The following ZZZ3 variants were observed in gnomAD, a reference collection of about 807,000 sequenced individuals.
ZZZ3 encodes the protein ZZ-type zinc finger-containing protein 3.
A neutral mutation model predicts 95.2 loss-of-function variants in ZZZ3; 22 were observed. That is an observed-to-expected ratio of 0.23 (90% CI 0.17 to 0.33). ZZZ3 has a LOEUF of 0.33. ZZZ3 is among the 10% of genes least tolerant of loss of function. The pLI is 1.00. For missense variants in ZZZ3, 885 were observed against 1,066.5 expected (o/e 0.83, Z 2.37); for synonymous variants, 335 against 358.9 (o/e 0.93, Z 0.75).
chr1:77,653,340 A>G (rs1669977011), intron 1 of ZZZ3, among the ~76,000 whole-genome samples: 1 of 152,226 alleles, frequency 6.6e-6, no homozygotes, highest in South Asian at 2.1e-4. Context: ...TGATGCAAGT[A>G]TTCTGCAATT....
At chr1:77,655,812 A>T (rs944588322) in intron 1 of ZZZ3, among the ~76,000 whole-genome samples, 1 of 152,208 alleles carries the variant, frequency 6.6e-6, no homozygotes, top group African/African-American at 2.4e-5. Context: ...CCCTTTGTTG[A>T]TCTATGACTT....
chr1:77,635,260 G>A (rs1208779752), intron 4 of ZZZ3, among the ~76,000 whole-genome samples: 1 of 152,098 alleles, frequency 6.6e-6, no homozygotes, highest in Non-Finnish European at 1.5e-5. Flanking sequence ...TTGTCTCAAA[G>A]TATGGCATAC....
intron 5 of ZZZ3, among the ~76,000 whole-genome samples, chr1:77,589,007 G>A (rs993391966): frequency 2.6e-5 from 4 of 151,982 alleles, no homozygotes; most frequent in African/African-American, 9.7e-5. Flanking sequence ...AGCCTCCCAC[G>A]TAGCTGGGAC....
chr1:77,623,573 C>T (rs1347088663), intron 5 of ZZZ3, among the ~76,000 whole-genome samples: 2 of 152,092 alleles, frequency 1.3e-5, no homozygotes, highest in Admixed American at 6.5e-5. Flanking sequence ...TGTACTTCCC[C>T]TAACAAAGGT....
At chr1:77,662,592 AC>A (rs1670899418) in intron 1 of ZZZ3, among the ~76,000 whole-genome samples, 1 of 152,208 alleles carries the variant, frequency 6.6e-6, no homozygotes, top group South Asian at 2.1e-4. Context: ...AAACTGAGGG[AC>A]ACTAAATACC....
At chr1:77,650,766 T>C (rs923459681) in intron 1 of ZZZ3, among the ~76,000 whole-genome samples, 11 of 148,058 alleles carry the variant, frequency 7.4e-5, no homozygotes, top group African/African-American at 2.7e-4. Context: ...TAGAGAAAAA[T>C]CAATGAACCA....
intron 1 of ZZZ3, among the ~76,000 whole-genome samples, chr1:77,682,147 G>C (rs142208861): frequency 1.3e-5 from 2 of 152,252 alleles, no homozygotes; most frequent in East Asian, 3.9e-4. Flanking sequence ...ACGAAGTCAG[G>C]GTGATGAGTA....
Position 77,632,909 on chromosome 1 carries a change from G to A in ZZZ3, c.446C>T (p.Thr149Ile). 6.2e-7 allele frequency: 1 copy of A among 1,614,018 alleles called. No homozygotes were observed. The change falls in exon 5 of 15, where the codon ACA becomes ATA. Residue 149 changes from threonine to isoleucine, a missense_variant. This residue lies in a region of ZZZ3 where 556 missense variants were observed against 652.9 expected (regional missense o/e 0.85). Transcript: ENST00000370801. The part of the protein sequence containing the change: ...SDKESVEQRS[T>I]VVDNDADFQG... ...AAAATCTGCATCATTGTCCACTACT[G>A]TACTCCTCTGTTCTACTGACTCCTT...
chr1:77,677,057 G>A (rs1672329737), intron 1 of ZZZ3: 1 of 152,060 alleles, frequency 6.6e-6, no homozygotes, highest in African/African-American at 2.4e-5. Flanking sequence ...CAAGATGTTT[G>A]GGCCAGGCAC....
chr1:77,647,105 A>G (rs1300540103), intron 1 of ZZZ3, among the ~76,000 whole-genome samples: 1 of 152,246 alleles, frequency 6.6e-6, no homozygotes, highest in Non-Finnish European at 1.5e-5. Context: ...TAGGGTTACT[A>G]ATGTTTGTGG....
At chr1:77,622,086 G>A (rs975369716) in intron 5 of ZZZ3, among the ~76,000 whole-genome samples, 3 of 150,132 alleles carry the variant, frequency 2.0e-5, no homozygotes, top group Non-Finnish European at 4.4e-5. Context: ...CGAGGAAAGA[G>A]GCCAGGAGTT....
intron 5 of ZZZ3, among the ~76,000 whole-genome samples, chr1:77,631,305 CA>C (rs1667792295): frequency 1.3e-5 from 2 of 152,094 alleles, no homozygotes; most frequent in African/African-American, 4.8e-5. Flanking sequence ...ATGCTAATTA[CA>C]ATATACTGTC....
rs369423802 is a variant in ZZZ3, at chr1:77,633,273, A to G, written c.82T>C (p.Leu28=). The part of the protein sequence containing the change: ...GLDESFCGRT[L]RNRSIAHPEE... ...GGATGCGCAATGCTACGATTCCTTA[A>G]AGTTCTACCACAAAAAGATTCATCC... The change falls in exon 5 of 15, where the codon TTA becomes CTA. Residue 28 remains leucine, a synonymous_variant. Coordinates refer to ENST00000370801, the MANE Select transcript of ZZZ3 (RefSeq NM_015534.6). The G allele has an allele frequency of 6.4e-5, 104 of 1,613,932 alleles. No individual in the cohort carries two copies. Among genetic ancestry groups the G allele is most frequent in the Non-Finnish European group, 8.7e-5 (103 of 1,179,980 alleles).
chr1:77,572,525 A>G (rs1418483110), intron 12 of ZZZ3, among the ~76,000 whole-genome samples: 1 of 151,856 alleles, frequency 6.6e-6, no homozygotes, highest in South Asian at 2.1e-4. Flanking sequence ...TTTTTAGTAG[A>G]GACGGGGTTT....
chr1:77,562,452 C>T lies in ZZZ3; in HGVS notation c.*3188G>A, dbSNP rs924974866. The T allele has an allele frequency of 1.3e-5, 2 of 152,168 alleles. No homozygotes were observed. Among genetic ancestry groups the T allele is most frequent in the Non-Finnish European group, 2.9e-5 (2 of 68,026 alleles). The allele number at this position is 152,168 out of a possible 1,614,324, so 9.4% of individuals were successfully genotyped here. A position where few individuals can be genotyped will look rare whatever the true frequency, so the allele number is the denominator to read the frequency against. On this transcript the variant is annotated 3_prime_UTR_variant, in exon 15 of 15. Transcript: ENST00000370801. ...AAATAGTTTTATATAGCACACAACA[C>T]ATATTTATGATTGAAAAAGACATTT...
At chr1:77,629,746 C>T (rs1254219150) in intron 5 of ZZZ3, among the ~76,000 whole-genome samples, 1 of 152,178 alleles carries the variant, frequency 6.6e-6, no homozygotes, top group Non-Finnish European at 1.5e-5. Flanking sequence ...AATTTGAAAA[C>T]ACTGTTCTAA....
intron 1 of ZZZ3, among the ~76,000 whole-genome samples, chr1:77,648,986 G>C (rs1004250645): frequency 1.3e-5 from 2 of 152,054 alleles, no homozygotes; most frequent in Non-Finnish European, 2.9e-5. Flanking sequence ...AATTAGCCAA[G>C]AGTGGTGGTG....
chr1:77,669,236 G>A (rs1471693238), intron 1 of ZZZ3, among the ~76,000 whole-genome samples: 1 of 152,094 alleles, frequency 6.6e-6, no homozygotes, highest in Middle Eastern at 3.2e-3. Flanking sequence ...GTATCATCAT[G>A]GAACTATAGA....
intron 5 of ZZZ3, chr1:77,614,833 T>C (rs905595872): frequency 5.3e-5 from 8 of 152,224 alleles, no homozygotes; most frequent in Non-Finnish European, 2.9e-5. Context: ...AATCTATTTC[T>C]AATATTAATG....
Sources: gnomAD v4.1 joint callset for allele counts (sites outside exome capture counted in the v4.1 genomes callset) on GRCh38, gnomAD v4.1.1 for gene constraint, gnomAD v4.1.1 regional missense constraint, MANE v1.5 for transcripts, NCBI Gene and HGNC (gene_info 2026-07-23, HGNC 2026-07-21) for gene names.